Variants in RIMS2 observed in about 807,000 individuals in gnomAD.
RIMS2 encodes regulating synaptic membrane exocytosis 2, also known as regulating synaptic membrane exocytosis protein 2.
A neutral mutation model predicts 174.4 loss-of-function variants in RIMS2; 59 were observed. The observed-to-expected ratio is 0.34, with a 90% CI of 0.27 to 0.42. The LOEUF is 0.42. Ranked by LOEUF, RIMS2 falls within the 10% of genes least tolerant of loss-of-function variation. The probability of loss-of-function intolerance (pLI) is 1.00; values close to 1 mark genes in which losing one functional copy is unlikely to be tolerated. For missense variants in RIMS2, 1,620 were observed against 1,666.3 expected, an observed-to-expected ratio of 0.97 and a Z score of 0.48; for synonymous variants, 606 against 572.5, an observed-to-expected ratio of 1.06 and a Z score of -0.84.
chr8:103,920,479 T>C (rs1280585180), intron 9 of RIMS2, among the ~76,000 whole-genome samples: 2 of 152,132 alleles, frequency 1.3e-5, no homozygotes, highest in Non-Finnish European at 1.5e-5. Context: ...ATATAAAAGG[T>C]ATCACCATTA....
intron 1 of RIMS2, among the ~76,000 whole-genome samples, chr8:103,682,389 A>G (rs1281838823): frequency 6.6e-6 from 1 of 152,150 alleles, no homozygotes; most frequent in Non-Finnish European, 1.5e-5. Flanking sequence ...ACAAAAGCTA[A>G]GTGGACAGTG....
chr8:104,214,170 T>A (rs79473784), intron 19 of RIMS2, among the ~76,000 whole-genome samples: 1,940 of 152,256 alleles, frequency 0.013, 37 homozygotes, highest in African/African-American at 0.045. Flanking sequence ...TTCCCTTAAT[T>A]AGAATACATA....
intron 1 of RIMS2, among the ~76,000 whole-genome samples, chr8:103,654,721 A>G (rs1040714413): frequency 1.3e-5 from 2 of 151,880 alleles, no homozygotes; most frequent in Admixed American, 6.6e-5. Flanking sequence ...TTCTTTCTCA[A>G]TATGAATACT....
At chr8:104,147,188 C>A (rs1240830095) in intron 19 of RIMS2, among the ~76,000 whole-genome samples, 1 of 151,910 alleles carries the variant, frequency 6.6e-6, no homozygotes, top group Admixed American at 6.6e-5. Flanking sequence ...CATCTCTTTT[C>A]TCTTCTCTTC....
chr8:103,990,222 A>C lies in RIMS2; in HGVS notation c.3044+801A>C, dbSNP rs550662705. ...TTAGGAAGAACATTTGAGGGCTTTT[A>C]AATAAGCTGATATGAGAAATTACTG... On this transcript the variant is annotated intron_variant, in intron 17 of 23. Coordinates refer to ENST00000504942, the Ensembl canonical transcript of RIMS2. Among the ~76,000 whole-genome samples, 16 of 152,186 alleles carry C rather than the reference A, an allele frequency of 1.1e-4. No homozygotes were observed. The East Asian group carries it at 3.1e-3, about 29-fold the overall frequency.
chr8:103,652,073 A>G (rs1446226239), intron 1 of RIMS2, 132 bp from the exon 2 acceptor site: 1 of 270,700 alleles, frequency 3.7e-6, no homozygotes. Flanking sequence ...TATAATTTCA[A>G]TATATGGCAA....
At chr8:103,580,118 A>C (rs550712502) in intron 1 of RIMS2, among the ~76,000 whole-genome samples, 1 of 152,268 alleles carries the variant, frequency 6.6e-6, no homozygotes, top group South Asian at 2.1e-4. Flanking sequence ...GGACACAGTA[A>C]GAAAGGAAGA....
At chr8:104,158,855 C>A (rs1271547678) in intron 19 of RIMS2, among the ~76,000 whole-genome samples, 2 of 152,140 alleles carry the variant, frequency 1.3e-5, no homozygotes, top group Non-Finnish European at 2.9e-5. Flanking sequence ...TGCCTGTTCA[C>A]TCTGATGATA....
At chr8:103,594,190 T>C (rs2094391645) in intron 1 of RIMS2, among the ~76,000 whole-genome samples, 1 of 151,636 alleles carries the variant, frequency 6.6e-6, no homozygotes, top group South Asian at 2.1e-4. Flanking sequence ...GGCACTGCCT[T>C]TTTGTTTCAA....
chr8:103,601,867 A>C (rs1449213301), intron 1 of RIMS2, among the ~76,000 whole-genome samples: 1 of 152,258 alleles, frequency 6.6e-6, no homozygotes, highest in Admixed American at 6.5e-5. Context: ...CTTATAACCT[A>C]TTATTTTAAA....
intron 19 of RIMS2, among the ~76,000 whole-genome samples, chr8:104,023,798 G>T (rs1324555164): frequency 6.6e-6 from 1 of 152,180 alleles, no homozygotes; most frequent in Non-Finnish European, 1.5e-5. Context: ...GTGGACACAT[G>T]TAGGTAGATA....
chr8:104,225,609 ATG>A (rs2099182656), intron 19 of RIMS2, among the ~76,000 whole-genome samples: 1 of 152,216 alleles, frequency 6.6e-6, no homozygotes, highest in East Asian at 1.9e-4. Context: ...GACAAGAAAA[ATG>A]TATATAAATA....
At chr8:104,039,386 C>T (rs11995037) in intron 19 of RIMS2, among the ~76,000 whole-genome samples, 62,981 of 151,320 alleles carry the variant, frequency 0.42, 13,578 homozygotes, top group African/African-American at 0.5. Context: ...TGTGCCTCTG[C>T]TATTCACTAA....
chr8:103,976,555 T>TC (rs201866577), intron 16 of RIMS2: 13 of 147,706 alleles, frequency 8.8e-5, no homozygotes, highest in South Asian at 8.6e-4. Flanking sequence ...TTTCTTTTTT[T>TC]TTTTTTTTTT....
chr8:103,602,404 T>C (rs775871451), intron 1 of RIMS2, among the ~76,000 whole-genome samples: 1 of 152,042 alleles, frequency 6.6e-6, no homozygotes, highest in African/African-American at 2.4e-5. Flanking sequence ...ATCACCTAGG[T>C]AATAAGCATA....
chr8:103,901,526 G>T (rs866433699), intron 4 of RIMS2, among the ~76,000 whole-genome samples: 4 of 152,202 alleles, frequency 2.6e-5, no homozygotes, highest in South Asian at 2.1e-4. Context: ...TGCTTCCAAA[G>T]AAATCTATAT....
At chr8:103,997,090 G>A (rs2095150230) in intron 17 of RIMS2, among the ~76,000 whole-genome samples, 1 of 151,794 alleles carries the variant, frequency 6.6e-6, no homozygotes, top group African/African-American at 2.4e-5. Context: ...AGAAGCAGAA[G>A]TCAAATTACA....
chr8:104,209,487 G>A (rs905318568), intron 19 of RIMS2, among the ~76,000 whole-genome samples: 9 of 152,174 alleles, frequency 5.9e-5, no homozygotes, highest in Non-Finnish European at 4.4e-5. Flanking sequence ...CCTTCTTGGT[G>A]AGGAACACCC....
intron 1 of RIMS2, among the ~76,000 whole-genome samples, chr8:103,633,558 T>C (rs758425241): frequency 6.6e-6 from 1 of 152,330 alleles, no homozygotes; most frequent in Non-Finnish European, 1.5e-5. Context: ...ACAAAATGAA[T>C]TGGGAGGTGT....
Sources: gnomAD v4.1 joint callset for allele counts (sites outside exome capture counted in the v4.1 genomes callset) on GRCh38, gnomAD v4.1.1 for gene constraint, MANE v1.5 for transcripts, NCBI Gene and HGNC (gene_info 2026-07-23, HGNC 2026-07-21) for gene names.